The following ANK3 variants were observed in gnomAD, a reference collection of about 807,000 sequenced individuals.
ANK3 encodes ankyrin-3.
Under a neutral mutation model 370.9 loss-of-function variants are expected in ANK3, and 57 were observed. That is an observed-to-expected ratio of 0.15 (90% CI 0.12 to 0.19). The LOEUF is 0.19. Among genes scored for constraint, ANK3 ranks in the 10% least tolerant of loss-of-function variants. The pLI is 1.00. For missense variants in ANK3, 4,439 were observed against 5,302.1 expected (o/e 0.84, Z 5.06); for synonymous variants, 1,929 against 1,946.3 (o/e 0.99, Z 0.23).
At chr10:60,458,279 C>T (rs2064799229) in intron 2 of ANK3, among the ~76,000 whole-genome samples, 1 of 152,078 alleles carries the variant, frequency 6.6e-6, no homozygotes, top group Non-Finnish European at 1.5e-5. Context: ...TCTCATATTG[C>T]CATCAAAGTA....
rs147747143 is a variant in ANK3 at position 60,257,192 on chromosome 10, A to G, written c.798+4667T>C. 1.4e-3 allele frequency among the ~76,000 whole-genome samples: 211 copies of G among 152,354 alleles called. 1 individual carries two copies. Among genetic ancestry groups the G allele is most frequent in the African/African-American group, 4.8e-3 (199 of 41,578 alleles). On this transcript the variant is annotated intron_variant, in intron 7 of 43. Transcript: ENST00000280772. ...TCTCATTTTATCCAAACATTAAAATATCTTAAATAAAGTAACCCTTTGTAT... is the reference window on the plus strand; with the variant it reads ...TCTCATTTTATCCAAACATTAAAATGTCTTAAATAAAGTAACCCTTTGTAT...
intron 10 of ANK3, among the ~76,000 whole-genome samples, chr10:60,207,281 C>T (rs1479738904): frequency 6.6e-6 from 1 of 152,172 alleles, no homozygotes; most frequent in Non-Finnish European, 1.5e-5. Flanking sequence ...TGACCGCACT[C>T]TTTGGAAAGG....
At chr10:60,232,511 G>A (rs2097261145) in intron 8 of ANK3, among the ~76,000 whole-genome samples, 1 of 152,118 alleles carries the variant, frequency 6.6e-6, no homozygotes, top group East Asian at 1.9e-4. Flanking sequence ...TTTACATACT[G>A]ATAATTGCTT....
chr10:60,615,004 G>C (rs189241736), intron 2 of ANK3, among the ~76,000 whole-genome samples: 21 of 152,220 alleles, frequency 1.4e-4, no homozygotes, highest in African/African-American at 4.8e-4. Context: ...CACTAGGCGA[G>C]AGTATAAAAG....
At chr10:60,210,421 C>G (rs1323306419) in intron 9 of ANK3, among the ~76,000 whole-genome samples, 1 of 151,540 alleles carries the variant, frequency 6.6e-6, no homozygotes, top group Admixed American at 6.6e-5. Flanking sequence ...TGAGGGAACT[C>G]AAACCAAGCA....
At chr10:60,449,781 G>T (rs1241254129) in intron 2 of ANK3, among the ~76,000 whole-genome samples, 1 of 152,114 alleles carries the variant, frequency 6.6e-6, no homozygotes. Flanking sequence ...TGGATTAGGT[G>T]CTCTGAGAAA....
At chr10:60,375,519 G>A (rs900397308) in intron 1 of ANK3, among the ~76,000 whole-genome samples, 1 of 152,002 alleles carries the variant, frequency 6.6e-6, no homozygotes, top group African/African-American at 2.4e-5. Flanking sequence ...GGGAAGGACT[G>A]GTTTATCACA....
chr10:60,465,476 A>T (rs2064988771), intron 2 of ANK3, among the ~76,000 whole-genome samples: 2 of 152,232 alleles, frequency 1.3e-5, no homozygotes, highest in South Asian at 4.1e-4. Context: ...AGTCCTGATC[A>T]GTCATCATGT....
chr10:60,239,077 TTTAAG>T (rs2097379609), intron 7 of ANK3, among the ~76,000 whole-genome samples: 1 of 152,120 alleles, frequency 6.6e-6, no homozygotes. Flanking sequence ...GATATGTCAC[TTTAAG>T]TTATTTAAAA....
At chr10:60,226,888 C>T (rs1332551108) in intron 8 of ANK3, among the ~76,000 whole-genome samples, 1 of 150,738 alleles carries the variant, frequency 6.6e-6, no homozygotes, top group Non-Finnish European at 1.5e-5. Flanking sequence ...CATACTATTA[C>T]ATATCATAGA....
intron 1 of ANK3, among the ~76,000 whole-genome samples, chr10:60,349,106 C>T (rs1306677887): frequency 2.0e-5 from 3 of 152,136 alleles, no homozygotes; most frequent in African/African-American, 7.2e-5. Context: ...ATCAGTACCG[C>T]CACAACTTAG....
At chr10:60,199,826 G>A (rs915321979) in intron 13 of ANK3, among the ~76,000 whole-genome samples, 5 of 152,164 alleles carry the variant, frequency 3.3e-5, no homozygotes, top group Non-Finnish European at 5.9e-5. Flanking sequence ...CCTTCTCCAC[G>A]GAGTGTGAAG....
At chr10:60,425,109 A>C (rs2063855368) in intron 2 of ANK3, among the ~76,000 whole-genome samples, 1 of 152,032 alleles carries the variant, frequency 6.6e-6, no homozygotes, top group African/African-American at 2.4e-5. Context: ...TTCAGGGTAG[A>C]GAGTGACAAA....
In ANK3 at chr10:60,363,574, G is replaced by A. The variant is rs149109393; in HGVS notation, c.114+25851C>T. On this transcript the variant is annotated intron_variant, in intron 1 of 43. Coordinates refer to ENST00000280772, the MANE Select transcript of ANK3 (RefSeq NM_020987.5). Reference sequence around the variant, plus strand: ...CACACGACCCTTTCTAGGTTGGGGCGCGTGGCTAAGTGTACAGGGCAACAC... The same window carrying A: ...CACACGACCCTTTCTAGGTTGGGGCACGTGGCTAAGTGTACAGGGCAACAC... Among the ~76,000 whole-genome samples, 393 of 152,308 alleles carry A rather than the reference G, an allele frequency of 2.6e-3. 3 individuals carry two copies. Among genetic ancestry groups the A allele is most frequent in the Middle Eastern group, 0.02 (6 of 294 alleles).
intron 23 of ANK3, among the ~76,000 whole-genome samples, chr10:60,150,225 C>T (rs1467991157): frequency 5.3e-5 from 8 of 152,088 alleles, no homozygotes; most frequent in Admixed American, 2.0e-4. Flanking sequence ...CGGTGCCTGG[C>T]GTCTGCACCC....
At chr10:60,329,223 C>T (rs1566621923) in intron 1 of ANK3, among the ~76,000 whole-genome samples, 1 of 152,148 alleles carries the variant, frequency 6.6e-6, no homozygotes, top group Admixed American at 6.5e-5. Flanking sequence ...AAAACCGGCA[C>T]AAGACAAGGA....
intron 1 of ANK3, among the ~76,000 whole-genome samples, chr10:60,331,265 T>TAA (rs5785437): frequency 6.6e-6 from 1 of 151,368 alleles, no homozygotes; most frequent in Admixed American, 6.6e-5. Flanking sequence ...TAAAGTATAA[T>TAA]AAAAAAAAAT....
intron 40 of ANK3, 167 bp downstream of exon 40, chr10:60,062,944 C>T: frequency 1.7e-6 from 1 of 586,464 alleles, no homozygotes; most frequent in South Asian, 2.7e-5. Context: ...AGGTATTTAC[C>T]AAGTTTGCTC....
chr10:60,548,448 C>T (rs10821794), intron 2 of ANK3, among the ~76,000 whole-genome samples: 88,326 of 151,338 alleles, frequency 0.58, 26,215 homozygotes, highest in East Asian at 0.79. Context: ...CGGGGTTTCG[C>T]TATGTTGGCC....
Sources: allele counts gnomAD v4.1 joint callset (sites outside exome capture counted in the v4.1 genomes callset), GRCh38; gene constraint gnomAD v4.1.1; transcripts MANE v1.5; gene names NCBI Gene and HGNC (gene_info 2026-07-23, HGNC 2026-07-21).